Variants in RIMBP2 observed in about 807,000 individuals in gnomAD.
The protein encoded by RIMBP2 is RIMS binding protein 2.
Under a neutral mutation model 118.6 loss-of-function variants are expected in RIMBP2, and 48 were observed. That is an observed-to-expected ratio of 0.40 (90% CI 0.32 to 0.51). The LOEUF is 0.51. Among genes scored for constraint, RIMBP2 ranks in the 20% least tolerant of loss-of-function variants. The probability of loss-of-function intolerance (pLI) is 0.41; values close to 1 mark genes in which losing one functional copy is unlikely to be tolerated. For synonymous variants in RIMBP2, 762 were observed against 742.9 expected (o/e 1.03, Z -0.42); for missense variants, 1,551 against 1,768.3 (o/e 0.88, Z 2.20).
intron 1 of RIMBP2, among the ~76,000 whole-genome samples, chr12:130,677,478 A>C (rs1566449719): frequency 6.6e-6 from 1 of 152,084 alleles, no homozygotes; most frequent in Non-Finnish European, 1.5e-5. Context: ...AAATACAAAA[A>C]TTAGCTCAGG....
At chr12:130,627,757 G>C (rs1030976072) in intron 2 of RIMBP2, among the ~76,000 whole-genome samples, 2 of 152,108 alleles carry the variant, frequency 1.3e-5, no homozygotes, top group African/African-American at 4.8e-5. Flanking sequence ...AGCAGGTCCT[G>C]CTGCCCCAAT....
intron 1 of RIMBP2, among the ~76,000 whole-genome samples, chr12:130,679,404 C>G (rs1269451998): frequency 2.0e-5 from 3 of 152,206 alleles, no homozygotes; most frequent in Non-Finnish European, 4.4e-5. Context: ...AGGAAACAAC[C>G]TCTTTTCTCT....
At position 130,406,241 on chromosome 12, in the gene RIMBP2, G is replaced by A. The variant is rs775160727; in HGVS notation, c.3696C>T (p.Ala1232=). The change falls in exon 21 of 23, where the codon GCC becomes GCT. Residue 1232 remains alanine, a splice_region_variant and synonymous_variant. Coordinates refer to ENST00000690449, the MANE Select transcript of RIMBP2 (RefSeq NM_001393629.1). ...TATCTCCTGTGCAAAATGTAAGTTC[G>A]GCCTGTGGAGATGAAACATAAAATT... is the stretch of plus-strand genomic sequence containing the variant. ...RESSPNVDVE[A]ELTFCTGDII... The A allele has an allele frequency of 9.2e-5, 146 of 1,594,564 alleles. No individual in the cohort carries two copies. The highest frequency in any genetic ancestry group is 1.2e-4 in the Admixed American group (7 of 58,288).
chr12:130,664,443 ACACG>A lies in RIMBP2; in HGVS notation c.-351-35991_-351-35988del, dbSNP rs200546980. The stretch of plus-strand genomic sequence containing the variant: ...CACGCACACACATGCATGCACGCAC[ACACG>A]CACACACATGCACGCACACACACGC... On this transcript the variant is annotated intron_variant, in intron 1 of 22. Transcript: ENST00000690449. Among the ~76,000 whole-genome samples the A allele has an allele frequency of 1.5e-3, 94 of 64,322 alleles. 1 individual carries two copies. Among genetic ancestry groups the A allele is most frequent in the South Asian group, 2.5e-3 (5 of 2,022 alleles). 42.2% of individuals were successfully genotyped at this position (64,322 alleles called of 152,430 possible). A position where few individuals can be genotyped will look rare whatever the true frequency, so the allele number is the denominator to read the frequency against.
intron 1 of RIMBP2, among the ~76,000 whole-genome samples, chr12:130,677,453 C>A (rs111726497): frequency 6.6e-6 from 1 of 152,016 alleles, no homozygotes; most frequent in African/African-American, 2.4e-5. Context: ...CATGGCGAAA[C>A]CCCATCTCTA....
chr12:130,529,400 G>T (rs1593665024), intron 2 of RIMBP2, among the ~76,000 whole-genome samples: 1 of 152,140 alleles, frequency 6.6e-6, no homozygotes, highest in African/African-American at 2.4e-5. Flanking sequence ...ACATACATGA[G>T]ATATTCAAGA....
intron 2 of RIMBP2, among the ~76,000 whole-genome samples, chr12:130,616,892 A>T (rs1350634175): frequency 6.6e-6 from 1 of 152,174 alleles, no homozygotes; most frequent in Non-Finnish European, 1.5e-5. Flanking sequence ...GCTCTGCCAG[A>T]GGCCTGAGCA....
At chr12:130,579,941 T>A (rs2140169612) in intron 2 of RIMBP2, among the ~76,000 whole-genome samples, 1 of 144,900 alleles carries the variant, frequency 6.9e-6, no homozygotes, top group Admixed American at 7.2e-5. Flanking sequence ...ATATTCAGTC[T>A]GGGAAGGCGA....
chr12:130,638,427 C>A (rs1473146917), intron 1 of RIMBP2, among the ~76,000 whole-genome samples: 1 of 152,148 alleles, frequency 6.6e-6, no homozygotes. Flanking sequence ...CCCGAAGCCC[C>A]GAGCTGCGGG....
rs144823670 is a variant in RIMBP2, at chr12:130,707,929, GGAGA to G, written c.-352+8289_-352+8292del. On this transcript the variant is annotated intron_variant, in intron 1 of 22. Coordinates refer to ENST00000690449, the MANE Select transcript of RIMBP2 (RefSeq NM_001393629.1). ...AAGAAATGGGGGGATTGAGAGAGAG[GGAGA>G]GAGAGAGAGACTATACGCATTACAC... is the stretch of plus-strand genomic sequence containing the variant. Among the ~76,000 whole-genome samples the G allele has an allele frequency of 6.8e-3, 1,033 of 151,856 alleles. 14 individuals carry two copies. The highest frequency in any genetic ancestry group is 0.024 in the African/African-American group (986 of 41,382).
chr12:130,531,067 A>T (rs1447778426), intron 2 of RIMBP2, among the ~76,000 whole-genome samples: 3 of 152,234 alleles, frequency 2.0e-5, no homozygotes, highest in Non-Finnish European at 4.4e-5. Flanking sequence ...AGTATTAGAA[A>T]ATGTGTCCTT....
rs143080900 is a variant in RIMBP2 at position 130,418,074 on chromosome 12, G to C, written c.3239-3768C>G. On this transcript the variant is annotated intron_variant, in intron 17 of 22. Transcript: ENST00000690449. ...GGTATGCAGAAGAGACAGGACAGGT[G>C]GTGGAGAAAGAACCAAACCGTTTGG... 1.5e-4 allele frequency among the ~76,000 whole-genome samples: 23 copies of C among 152,290 alleles called. No homozygotes were observed. The East Asian group carries it at 4.2e-3, about 28-fold the overall frequency.
At chr12:130,417,358 A>T (rs550112632) in intron 17 of RIMBP2, among the ~76,000 whole-genome samples, 22 of 152,348 alleles carry the variant, frequency 1.4e-4, no homozygotes, top group Admixed American at 5.9e-4. Flanking sequence ...TCAACAGTGG[A>T]TTGAATAAAG....
At chr12:130,655,115 A>G (rs542471493) in intron 1 of RIMBP2, among the ~76,000 whole-genome samples, 2 of 152,286 alleles carry the variant, frequency 1.3e-5, no homozygotes, top group East Asian at 3.9e-4. Context: ...GATGCAGAAA[A>G]CACACAAATG....
rs917964558 is a variant in RIMBP2 at position 130,617,963 on chromosome 12, G to A, written c.-217+10359C>T. 3.6e-5 allele frequency among the ~76,000 whole-genome samples: 5 copies of A among 138,650 alleles called. No individual in the cohort carries two copies. Among genetic ancestry groups the A allele is most frequent in the Admixed American group, 7.8e-5 (1 of 12,752 alleles). The allele number at this position is 138,650 out of a possible 152,430, so 91.0% of individuals were successfully genotyped here. A position where few individuals can be genotyped will look rare whatever the true frequency, so the allele number is the denominator to read the frequency against. On this transcript the variant is annotated intron_variant, in intron 2 of 22. Coordinates refer to ENST00000690449, the MANE Select transcript of RIMBP2 (RefSeq NM_001393629.1). This position sits in a 1 kb window ranked among gnomAD's most constrained non-coding sequence, Gnocchi z 4.6. The stretch of plus-strand genomic sequence containing the variant: ...TCCCAGTACCTTGGGACGCTGAGGC[G>A]GGAGGATCACTTGAGCCCAGGAGTT...
At chr12:130,580,705 TGG>T (rs2058413127) in intron 2 of RIMBP2, among the ~76,000 whole-genome samples, 1 of 152,230 alleles carries the variant, frequency 6.6e-6, no homozygotes, top group African/African-American at 2.4e-5. Context: ...TTTGAGAGGC[TGG>T]GGCAGGCAGA....
intron 14 of RIMBP2, 73 bp from the exon 15 acceptor site, chr12:130,428,410 C>G (rs2076933931): frequency 1.3e-6 from 2 of 1,489,226 alleles, no homozygotes; most frequent in Non-Finnish European, 1.8e-6. Context: ...ATTGAGCTTG[C>G]CAACCCTTTC....
chr12:130,398,245 C>T (rs1327651604), intron 22 of RIMBP2: 2 of 152,210 alleles, frequency 1.3e-5, no homozygotes, highest in Non-Finnish European at 2.9e-5. Flanking sequence ...GACGACTTCA[C>T]CTCGCTTCCC....
rs766324147 is a variant in RIMBP2, at chr12:130,442,338, C to T, written c.1014G>A (p.Ala338=). ...KSVIVGWEPP[A]VPPGWGTVSS... is the part of the protein sequence containing the mutation. ...TCACCGTTCCCCATCCTGGTGGCAC[C>T]GCCGGGGGCTCCCAGCCCACAATAA... is the stretch of plus-strand genomic sequence containing the variant. The change falls in exon 11 of 23, where the codon GCG becomes GCA. Residue 338 remains alanine (A), a synonymous_variant. Transcript: ENST00000690449. The surrounding 1 kb of genome is among the most constrained non-coding windows in gnomAD (Gnocchi z 6.9). 20 of 1,614,184 alleles carry T rather than the reference C, an allele frequency of 1.2e-5. No individual in the cohort carries two copies. Among genetic ancestry groups the T allele is most frequent in the Admixed American group, 3.3e-5 (2 of 60,030 alleles).
Sources: gnomAD v4.1 joint callset for allele counts (sites outside exome capture counted in the v4.1 genomes callset) on GRCh38, gnomAD v4.1.1 for gene constraint, Gnocchi (gnomAD v3.1) non-coding constraint, MANE v1.5 for transcripts, NCBI Gene and HGNC (gene_info 2026-07-23, HGNC 2026-07-21) for gene names.